Variants in ELMO1 observed in about 807,000 individuals in gnomAD.
The protein encoded by ELMO1 is engulfment and cell motility 1, also known as engulfment and cell motility protein 1.
In ELMO1, 26 loss-of-function variants were observed where a neutral mutation model predicts 98.9. The ratio of observed to expected loss-of-function variants is 0.26; its 90% CI spans 0.19 to 0.36. The LOEUF (loss-of-function observed/expected upper bound fraction) is 0.36, where lower values mean the gene tolerates loss of function less well. Ranked by LOEUF, ELMO1 falls within the 10% of genes least tolerant of loss-of-function variation. The pLI is 1.00. For synonymous variants in ELMO1, 346 were observed against 346.0 expected (o/e 1.00, Z 0.00); for missense variants, 627 against 935.2 (o/e 0.67, Z 4.30).
chr7:37,430,589 G>A (rs1804890900), intron 1 of ELMO1, among the ~76,000 whole-genome samples: 1 of 152,242 alleles, frequency 6.6e-6, no homozygotes, highest in African/African-American at 2.4e-5. Context: ...AAAATGCTGT[G>A]AAATTTCTTT....
intron 14 of ELMO1, among the ~76,000 whole-genome samples, chr7:37,097,608 GA>G (rs371563717): frequency 6.3e-5 from 9 of 142,124 alleles, no homozygotes; most frequent in African/African-American, 1.0e-4. Flanking sequence ...GAGAGAAAGA[GA>G]AAAAAAAAGA....
At chr7:37,346,969 C>G (rs1201399438) in intron 1 of ELMO1, among the ~76,000 whole-genome samples, 2 of 152,166 alleles carry the variant, frequency 1.3e-5, no homozygotes, top group Non-Finnish European at 2.9e-5. Context: ...GTACACAAAG[C>G]AGCCATTGAG....
intron 1 of ELMO1, chr7:37,375,837 G>A: frequency 1.3e-6 from 1 of 766,682 alleles, no homozygotes; most frequent in Non-Finnish European, 2.3e-6. Context: ...GCAGGCCTCG[G>A]CCTAAAGGTC....
At chr7:37,318,552 A>C (rs1799324496) in intron 2 of ELMO1, among the ~76,000 whole-genome samples, 1 of 152,244 alleles carries the variant, frequency 6.6e-6, no homozygotes, top group East Asian at 1.9e-4. Context: ...TAAAAGACAG[A>C]GGTCTCTAGG....
chr7:36,858,674 G>A (rs1400267085), intron 21 of ELMO1, among the ~76,000 whole-genome samples: 2 of 152,168 alleles, frequency 1.3e-5, no homozygotes, highest in Non-Finnish European at 2.9e-5. Context: ...AAGAGTCAGA[G>A]TCAGAGTCAG....
chr7:37,280,165 C>G (rs1036790015), intron 4 of ELMO1, among the ~76,000 whole-genome samples: 6 of 152,170 alleles, frequency 3.9e-5, no homozygotes, highest in African/African-American at 1.4e-4. Flanking sequence ...GAGAATGAAA[C>G]TGGATCCTCA....
At chr7:36,861,494 C>T (rs373559997) in intron 21 of ELMO1, among the ~76,000 whole-genome samples, 165 bp downstream of exon 21, 205 of 152,114 alleles carry the variant, frequency 1.3e-3, no homozygotes, top group East Asian at 6.6e-3. Context: ...TCTGTTGCAA[C>T]GGGCAGTTTG....
In ELMO1 at chr7:37,350,920, C is replaced by T. The variant is rs535438297; in HGVS notation, c.-73-8157G>A. On this transcript the variant is annotated intron_variant, in intron 1 of 21. Transcript: ENST00000310758. ...CCAAGGAGAAAGCCCTCAGAAGGAA[C>T]CAACACTGATAACACCTTGATCTCT... 4.6e-5 allele frequency among the ~76,000 whole-genome samples: 7 copies of T among 152,312 alleles called. No homozygotes were observed. In the South Asian group the frequency reaches 1.4e-3, roughly 32 times the overall value.
chr7:37,327,708 G>A (rs2131177719), intron 2 of ELMO1, among the ~76,000 whole-genome samples: 1 of 152,252 alleles, frequency 6.6e-6, no homozygotes, highest in South Asian at 2.1e-4. Flanking sequence ...TTTCTTGAGT[G>A]GCAATGGACA....
chr7:37,189,075 A>C (rs1791419503), intron 13 of ELMO1, among the ~76,000 whole-genome samples: 1 of 152,222 alleles, frequency 6.6e-6, no homozygotes, highest in Non-Finnish European at 1.5e-5. Context: ...GTATATAATA[A>C]TTTTTAAACT....
chr7:36,868,423 G>T (rs1447336509), intron 20 of ELMO1, among the ~76,000 whole-genome samples: 2 of 149,768 alleles, frequency 1.3e-5, no homozygotes, highest in Non-Finnish European at 3.0e-5. Flanking sequence ...TCGGCTCATC[G>T]CAACCTCCAC....
chr7:37,039,621 G>A (rs1233855252), intron 15 of ELMO1, among the ~76,000 whole-genome samples: 3 of 152,202 alleles, frequency 2.0e-5, no homozygotes, highest in African/African-American at 4.8e-5. Flanking sequence ...TGGAAACAGG[G>A]AAGCAGAAGC....
chr7:37,071,752 C>T (rs1797283353), intron 15 of ELMO1, among the ~76,000 whole-genome samples: 1 of 151,912 alleles, frequency 6.6e-6, no homozygotes, highest in African/African-American at 2.4e-5. Context: ...AAATATCATC[C>T]CCCAGGCTCT....
chr7:37,446,647 T>A (rs976882520), intron 1 of ELMO1, among the ~76,000 whole-genome samples: 1 of 152,200 alleles, frequency 6.6e-6, no homozygotes, highest in African/African-American at 2.4e-5. Flanking sequence ...ACTGCCCATC[T>A]TCTTGCCCAA....
intron 16 of ELMO1, among the ~76,000 whole-genome samples, chr7:36,965,336 A>G (rs1789326122): frequency 6.6e-6 from 1 of 152,202 alleles, no homozygotes; most frequent in Non-Finnish European, 1.5e-5. Context: ...TAGGCACCGA[A>G]TAAATATTTG....
chr7:37,246,945 A>T (rs1462301242), intron 6 of ELMO1, among the ~76,000 whole-genome samples: 2 of 152,068 alleles, frequency 1.3e-5, no homozygotes, highest in Non-Finnish European at 2.9e-5. Context: ...CTGGTGGAAA[A>T]CTAGTTGTGT....
At chr7:37,272,016 A>G (rs1024513018) in intron 4 of ELMO1, 134 bp from the exon 5 acceptor site, 17 of 734,282 alleles carry the variant, frequency 2.3e-5, no homozygotes, top group Non-Finnish European at 1.8e-5. Context: ...AATTATTTCT[A>G]TAAAGGCTGT....
At chr7:37,061,169 G>T (rs1796649344) in intron 15 of ELMO1, among the ~76,000 whole-genome samples, 2 of 152,164 alleles carry the variant, frequency 1.3e-5, no homozygotes, top group Non-Finnish European at 2.9e-5. Context: ...ATTTTACATG[G>T]ACATCTAGCA....
chr7:37,100,555 C>T (rs780764671), intron 14 of ELMO1, among the ~76,000 whole-genome samples: 14 of 152,244 alleles, frequency 9.2e-5, no homozygotes, highest in South Asian at 2.1e-4. Context: ...GTCTCTGACA[C>T]ACTCTCTCTT....
Sources: gnomAD v4.1 joint callset for allele counts (sites outside exome capture counted in the v4.1 genomes callset) on GRCh38, gnomAD v4.1.1 for gene constraint, MANE v1.5 for transcripts, NCBI Gene and HGNC (gene_info 2026-07-23, HGNC 2026-07-21) for gene names.